MAP7: variants seen among roughly 807,000 people sequenced by gnomAD.
MAP7 encodes the protein microtubule associated protein 7, also known as ensconsin.
In MAP7, 52 loss-of-function variants were observed where a neutral mutation model predicts 94.8. That is an observed-to-expected ratio of 0.55 (90% CI 0.44 to 0.69). MAP7 has a LOEUF of 0.69. Among genes scored for constraint, MAP7 ranks in the 30% least tolerant of loss-of-function variants. MAP7 has a pLI of 0.00. For synonymous variants in MAP7, 350 were observed against 357.0 expected (o/e 0.98, Z 0.22); for missense variants, 940 against 964.6 (o/e 0.97, Z 0.34).
At chr6:136,415,839 A>C (rs1789220492) in intron 2 of MAP7, among the ~76,000 whole-genome samples, 1 of 152,242 alleles carries the variant, frequency 6.6e-6, no homozygotes, top group South Asian at 2.1e-4. Context: ...AATAATTACT[A>C]TCTCTCTGGA....
chr6:136,419,454 G>T (rs1790550710), intron 2 of MAP7, among the ~76,000 whole-genome samples: 1 of 151,960 alleles, frequency 6.6e-6, no homozygotes, highest in East Asian at 1.9e-4. Context: ...TAATCCTCGT[G>T]GCTCAGCACA....
intron 16 of MAP7, among the ~76,000 whole-genome samples, chr6:136,353,921 G>C (rs566495077): frequency 6.6e-6 from 1 of 152,132 alleles, no homozygotes; most frequent in East Asian, 1.9e-4. Flanking sequence ...TTGGTCAGTG[G>C]GGGTGCCCTA....
chr6:136,407,834 G>T (rs1463337060), intron 3 of MAP7, among the ~76,000 whole-genome samples: 1 of 152,116 alleles, frequency 6.6e-6, no homozygotes, highest in Non-Finnish European at 1.5e-5. Flanking sequence ...AGAACCTAGG[G>T]TCTCTAGCAG....
rs189342102 is a variant in MAP7, at chr6:136,543,925, C to A, written c.67+6417G>T. ...GAAAATCCGTAATTTTTTTTGCACA[C>A]AAATTATTTTTTTCGAGAAGGTGTC... On this transcript the variant is annotated intron_variant, in intron 1 of 17. Transcript: ENST00000354570. 2.6e-4 allele frequency among the ~76,000 whole-genome samples: 40 copies of A among 152,146 alleles called. No individual in the cohort carries two copies. In the East Asian group the frequency reaches 6.6e-3, roughly 25 times the overall value.
At position 136,469,337 on chromosome 6, in the gene MAP7, T is replaced by C. The variant is rs563624199; in HGVS notation, c.68-47538A>G. Among the ~76,000 whole-genome samples, 4 of 145,014 alleles carry C rather than the reference T, an allele frequency of 2.8e-5. No individual in the cohort carries two copies. In the East Asian group the frequency reaches 9.2e-4, roughly 33 times the overall value. On this transcript the variant is annotated intron_variant, in intron 1 of 17. Coordinates refer to ENST00000354570, the MANE Select transcript of MAP7 (RefSeq NM_003980.6). ...TTCCTCTTCTTCCTTCCTTCCTCCC[T>C]ACTTTCTTTCTTGCTTGCTTGCTTT...
chr6:136,479,849 G>A (rs1812169768), intron 1 of MAP7, among the ~76,000 whole-genome samples: 1 of 151,926 alleles, frequency 6.6e-6, no homozygotes, highest in Admixed American at 6.6e-5. Context: ...AATCGAAGGG[G>A]ACACACAAAA....
At chr6:136,382,692 GTACAT>G (rs1331268976) in intron 6 of MAP7, among the ~76,000 whole-genome samples, 1 of 152,034 alleles carries the variant, frequency 6.6e-6, no homozygotes, top group African/African-American at 2.4e-5. Flanking sequence ...ACAGAATATT[GTACAT>G]TACAATGACA....
At chr6:136,509,296 A>G (rs2129027138) in intron 1 of MAP7, among the ~76,000 whole-genome samples, 1 of 152,370 alleles carries the variant, frequency 6.6e-6, no homozygotes, top group East Asian at 1.9e-4. Context: ...AAATGAAAAC[A>G]GAAGTTCCTC....
chr6:136,360,968 G>T (rs1360893875), intron 12 of MAP7, 37 bp downstream of exon 12: 1 of 1,554,520 alleles, frequency 6.4e-7, no homozygotes, highest in Non-Finnish European at 8.6e-7. Context: ...TCTCCCTGCG[G>T]GACTGGGGCC....
In MAP7 at chr6:136,456,822, G is replaced by GAAGAAGAAGAA. The variant is rs1554259490; in HGVS notation, c.68-35024_68-35023insTTCTTCTTCTT. On this transcript the variant is annotated intron_variant, in intron 1 of 17. Transcript: ENST00000354570. ...AGAAGAAGAAGAAGAAGAAGAAGAAGGAAGAAGAAGAAGAAGAAGAAGAAG... is the reference window on the plus strand; with the variant it reads ...AGAAGAAGAAGAAGAAGAAGAAGAAGAAGAAGAAGAAGAAGAAGAAGAAGAAGAAGAAGAAG... Among the ~76,000 whole-genome samples the GAAGAAGAAGAA allele has an allele frequency of 5.5e-3, 378 of 68,866 alleles. 4 individuals carry two copies. Among genetic ancestry groups the GAAGAAGAAGAA allele is most frequent in the African/African-American group, 0.012 (181 of 15,682 alleles). The allele number at this position is 68,866 out of a possible 152,430, so 45.2% of individuals were successfully genotyped here. A position where few individuals can be genotyped will look rare whatever the true frequency, so the allele number is the denominator to read the frequency against.
chr6:136,448,944 C>T (rs1296014455), intron 1 of MAP7, among the ~76,000 whole-genome samples: 1 of 151,500 alleles, frequency 6.6e-6, no homozygotes, highest in African/African-American at 2.4e-5. Context: ...CATCTGTTCC[C>T]CCACTTAAAG....
chr6:136,455,239 T>C (rs1345960346), intron 1 of MAP7, among the ~76,000 whole-genome samples: 1 of 152,018 alleles, frequency 6.6e-6, no homozygotes, highest in Non-Finnish European at 1.5e-5. Context: ...AAAAGTGTTA[T>C]AAAGAATATT....
chr6:136,373,790 T>C (rs1775278912), intron 7 of MAP7, among the ~76,000 whole-genome samples: 1 of 152,256 alleles, frequency 6.6e-6, no homozygotes, highest in African/African-American at 2.4e-5. Context: ...GATTAATAAC[T>C]TAACTCAAAA....
chr6:136,397,152 T>A (rs1782704467), intron 3 of MAP7, among the ~76,000 whole-genome samples: 1 of 152,180 alleles, frequency 6.6e-6, no homozygotes, highest in Non-Finnish European at 1.5e-5. Flanking sequence ...AGCATGCTAG[T>A]GAGTGCAAAC....
intron 1 of MAP7, among the ~76,000 whole-genome samples, chr6:136,430,669 A>T (rs1438519621): frequency 6.6e-6 from 1 of 152,220 alleles, no homozygotes; most frequent in African/African-American, 2.4e-5. Context: ...GTAACCACTG[A>T]ACATTTAACT....
intron 13 of MAP7, among the ~76,000 whole-genome samples, chr6:136,360,297 C>G (rs1408714984): frequency 6.6e-6 from 1 of 152,170 alleles, no homozygotes; most frequent in Admixed American, 6.5e-5. Context: ...AGGCGCCCGC[C>G]ACCACGCCCA....
chr6:136,466,036 C>G (rs906939298), intron 1 of MAP7, among the ~76,000 whole-genome samples: 2 of 152,132 alleles, frequency 1.3e-5, no homozygotes, highest in Non-Finnish European at 2.9e-5. Context: ...AAAAGTTACT[C>G]CCCGAAATGT....
chr6:136,530,991 C>A (rs529862259), intron 1 of MAP7, among the ~76,000 whole-genome samples: 1 of 144,728 alleles, frequency 6.9e-6, no homozygotes, highest in South Asian at 2.1e-4. Flanking sequence ...GCTAGGGATT[C>A]ATTTATACAA....
chr6:136,483,332 G>T (rs1321610151), intron 1 of MAP7, among the ~76,000 whole-genome samples: 1 of 151,812 alleles, frequency 6.6e-6, no homozygotes, highest in Non-Finnish European at 1.5e-5. Flanking sequence ...CACCAAGAAG[G>T]GAACAACAGA....
Sources: allele counts gnomAD v4.1 joint callset (sites outside exome capture counted in the v4.1 genomes callset), GRCh38; gene constraint gnomAD v4.1.1; transcripts MANE v1.5; gene names NCBI Gene and HGNC (gene_info 2026-07-23, HGNC 2026-07-21).